Variants in ZHX2 observed in about 807,000 individuals in gnomAD.
ZHX2 encodes zinc fingers and homeoboxes protein 2.
ZHX2 carries 6 observed loss-of-function variants against 21.9 expected under a neutral mutation model. The ratio of observed to expected loss-of-function variants is 0.27; its 90% CI spans 0.15 to 0.54. The LOEUF (loss-of-function observed/expected upper bound fraction) is 0.54, where lower values mean the gene tolerates loss of function less well. Among genes scored for constraint, ZHX2 ranks in the 20% least tolerant of loss-of-function variants. ZHX2 has a pLI of 0.95. For synonymous variants in ZHX2, 434 were observed against 437.1 expected, an observed-to-expected ratio of 0.99 and a Z score of 0.09; for missense variants, 908 against 1,090.7, an observed-to-expected ratio of 0.83 and a Z score of 2.36.
chr8:122,883,863 G>A (rs868411101), intron 2 of ZHX2, among the ~76,000 whole-genome samples: 16 of 152,206 alleles, frequency 1.1e-4, no homozygotes, highest in Admixed American at 7.9e-4. Context: ...AATGCATGAC[G>A]TAAATTGAGG....
At chr8:122,936,842 C>G (rs1446400474) in intron 2 of ZHX2, among the ~76,000 whole-genome samples, 1 of 151,736 alleles carries the variant, frequency 6.6e-6, no homozygotes, top group Non-Finnish European at 1.5e-5. Context: ...CTCAGCAACT[C>G]CACCAGAAAG....
chr8:122,961,513 G>A (rs1043458075), intron 3 of ZHX2, among the ~76,000 whole-genome samples: 1 of 152,188 alleles, frequency 6.6e-6, no homozygotes, highest in Non-Finnish European at 1.5e-5. Context: ...CCAAGACTAG[G>A]TAATTTATAA....
At chr8:122,958,826 A>T (rs1186838820) in intron 3 of ZHX2, among the ~76,000 whole-genome samples, 1 of 152,128 alleles carries the variant, frequency 6.6e-6, no homozygotes, top group Admixed American at 6.5e-5. Flanking sequence ...TTCAGCAAGA[A>T]CTTTAGAGAG....
intron 1 of ZHX2, among the ~76,000 whole-genome samples, chr8:122,850,906 C>G (rs1212671081): frequency 6.6e-6 from 1 of 152,172 alleles, no homozygotes; most frequent in Non-Finnish European, 1.5e-5. Flanking sequence ...CACATCCTCA[C>G]CTGCCCCTCT....
chr8:122,891,717 A>G (rs1408436884), intron 2 of ZHX2, among the ~76,000 whole-genome samples: 2 of 152,120 alleles, frequency 1.3e-5, no homozygotes, highest in Non-Finnish European at 2.9e-5. Flanking sequence ...TTTAATTTCC[A>G]TGTATTTGTT....
chr8:122,807,132 A>T (rs1817841390), intron 1 of ZHX2, among the ~76,000 whole-genome samples: 1 of 152,148 alleles, frequency 6.6e-6, no homozygotes, highest in South Asian at 2.1e-4. Flanking sequence ...TCGTTGTTGG[A>T]TCATCGAAGC....
At chr8:122,909,549 C>G (rs1820426591) in intron 2 of ZHX2, among the ~76,000 whole-genome samples, 1 of 152,002 alleles carries the variant, frequency 6.6e-6, no homozygotes, top group Non-Finnish European at 1.5e-5. Flanking sequence ...GACAAAACAC[C>G]CAACACTCTT....
Position 122,949,014 on chromosome 8 carries a change from A to G in ZHX2, c.-219-2278A>G, listed in dbSNP as rs188958828. Among the ~76,000 whole-genome samples the G allele has an allele frequency of 4.1e-3, 625 of 152,322 alleles. 1 individual carries two copies. The highest frequency in any genetic ancestry group is 0.019 in the South Asian group (93 of 4,826). ...ACATGTTAAACGTTAAAAAATATAT[A>G]ATATGCACAACTAAAAGGTAAGTGA... On this transcript the variant is annotated intron_variant, in intron 2 of 3. Transcript: ENST00000314393.
rs1280426969 is a variant in ZHX2, at chr8:122,953,649, A to C, written c.2139A>C (p.Thr713=). 1.2e-6 allele frequency: 2 copies of C among 1,614,270 alleles called. No homozygotes were observed. The highest frequency in any genetic ancestry group is 1.7e-6 in the Non-Finnish European group (2 of 1,180,050). Residue 713 remains threonine, a synonymous_variant, in exon 3 of 4, where the codon ACA becomes ACC. Coordinates refer to ENST00000314393, the MANE Select transcript of ZHX2 (RefSeq NM_014943.5). This position sits in a 1 kb window ranked among gnomAD's most constrained non-coding sequence, Gnocchi z 4.6. Reference sequence around the variant, plus strand: ...ACGATGCCGTAGCAAGGAAAGCAACAAAACCCATGGCCGAGAGCCCAAAGA... The same window carrying C: ...ACGATGCCGTAGCAAGGAAAGCAACCAAACCCATGGCCGAGAGCCCAAAGA... The part of the protein sequence containing the change: ...HGYDAVARKA[T]KPMAESPKNG...
intron 2 of ZHX2, among the ~76,000 whole-genome samples, chr8:122,942,633 G>A (rs1812874876): frequency 1.3e-5 from 2 of 152,154 alleles, no homozygotes; most frequent in Admixed American, 6.5e-5. Context: ...GGAGGCCTCT[G>A]CAGTCTGACT....
intron 2 of ZHX2, among the ~76,000 whole-genome samples, chr8:122,941,086 AG>A (rs1292993232): frequency 6.6e-6 from 1 of 150,734 alleles, no homozygotes; most frequent in Non-Finnish European, 1.5e-5. Context: ...AAAAAAAAAA[AG>A]ATTGTTTTAA....
At chr8:122,809,946 AG>A (rs1207672598) in intron 1 of ZHX2, among the ~76,000 whole-genome samples, 2 of 152,002 alleles carry the variant, frequency 1.3e-5, no homozygotes, top group Non-Finnish European at 2.9e-5. Flanking sequence ...GGGATTGGGT[AG>A]GGGGGGTGGA....
At chr8:122,781,488 C>G (rs1235779284), upstream of ZHX2, 1 of 152,372 alleles carries the variant, frequency 6.6e-6, no homozygotes, top group Admixed American at 6.5e-5. The surrounding 1 kb of genome is among the most constrained non-coding windows in gnomAD (Gnocchi z 4.6). Flanking sequence ...CAGTAACCAG[C>G]GCCTTTAGGG....
At chr8:122,819,316 C>T (rs935146681) in intron 1 of ZHX2, among the ~76,000 whole-genome samples, 2 of 152,218 alleles carry the variant, frequency 1.3e-5, no homozygotes, top group African/African-American at 4.8e-5. Context: ...ACTCTCCCAC[C>T]AGAGCCTTAT....
chr8:122,887,179 CAGATGG>C (rs1241524524), intron 2 of ZHX2, among the ~76,000 whole-genome samples: 1 of 150,998 alleles, frequency 6.6e-6, no homozygotes, highest in African/African-American at 2.4e-5. Flanking sequence ...GTGTGTGACA[CAGATGG>C]AGATGGAGTG....
In ZHX2 at chr8:122,782,639, G is replaced by C. The variant is rs1220264565; in HGVS notation, c.-283+693G>C. 6.6e-6 allele frequency among the ~76,000 whole-genome samples: 1 copy of C among 152,164 alleles called. No homozygotes were observed. The highest frequency in any genetic ancestry group is 1.5e-5 in the Non-Finnish European group (1 of 68,004). On this transcript the variant is annotated intron_variant, in intron 1 of 3. Coordinates refer to ENST00000314393, the MANE Select transcript of ZHX2 (RefSeq NM_014943.5). The surrounding 1 kb of genome is among the most constrained non-coding windows in gnomAD (Gnocchi z 5.3). Reference sequence around the variant, plus strand: ...GGCGGCTGCAGGCAGCGGGCGCGCAGCGCGGGCGGCAGCCGAGCTACCTGG... The same window carrying C: ...GGCGGCTGCAGGCAGCGGGCGCGCACCGCGGGCGGCAGCCGAGCTACCTGG...
chr8:122,890,250 C>T (rs1054884803), intron 2 of ZHX2, among the ~76,000 whole-genome samples: 16 of 152,064 alleles, frequency 1.1e-4, no homozygotes, highest in Admixed American at 7.2e-4. Context: ...GTGCCTTTGT[C>T]GAAAATAAGC....
At chr8:122,869,007 A>C (rs1039880631) in intron 2 of ZHX2, among the ~76,000 whole-genome samples, 2 of 152,218 alleles carry the variant, frequency 1.3e-5, no homozygotes, top group Non-Finnish European at 2.9e-5. Context: ...TAAGGCAGAC[A>C]ACAGACAAGT....
chr8:122,872,385 C>T (rs1819462953), intron 2 of ZHX2, among the ~76,000 whole-genome samples: 1 of 152,224 alleles, frequency 6.6e-6, no homozygotes, highest in Non-Finnish European at 1.5e-5. Flanking sequence ...GGCATTTGGT[C>T]CATCTACAGA....
Sources: gnomAD v4.1 joint callset for allele counts (sites outside exome capture counted in the v4.1 genomes callset) on GRCh38, gnomAD v4.1.1 for gene constraint, Gnocchi (gnomAD v3.1) non-coding constraint, MANE v1.5 for transcripts, NCBI Gene and HGNC (gene_info 2026-07-23, HGNC 2026-07-21) for gene names.